Variants in HIVEP1 observed in about 807,000 individuals in gnomAD.
HIVEP1 encodes zinc finger protein 40.
A neutral mutation model predicts 180.0 loss-of-function variants in HIVEP1; 36 were observed. That is an observed-to-expected ratio of 0.20 (90% CI 0.15 to 0.26). HIVEP1 has a LOEUF of 0.26. Among genes scored for constraint, HIVEP1 ranks in the 10% least tolerant of loss-of-function variants. The pLI, the probability that HIVEP1 is intolerant of heterozygous loss-of-function variation, is 1.00. For missense variants in HIVEP1, 3,143 were observed against 3,268.7 expected (o/e 0.96, Z 0.94); for synonymous variants, 1,239 against 1,239.0 (o/e 1.00, Z 0.00).
At chr6:12,008,948 G>A (rs544658293), upstream of HIVEP1, 1 of 152,476 alleles carries the variant, frequency 6.6e-6, no homozygotes, top group African/African-American at 2.4e-5. Context: ...AGAGTTGGCA[G>A]GGCGTGCGGG....
chr6:12,183,546 T>C, the HIVEP1 span, among the ~76,000 whole-genome samples: 1 of 152,240 alleles, frequency 6.6e-6, no homozygotes, highest in South Asian at 2.1e-4. Context: ...AACTAAGTTT[T>C]AATCAATTAA....
At chr6:12,023,095 T>A (rs1371051568) in intron 2 of HIVEP1, among the ~76,000 whole-genome samples, 3 of 152,306 alleles carry the variant, frequency 2.0e-5, no homozygotes, top group Non-Finnish European at 4.4e-5. Context: ...AGTGAAGTGC[T>A]CTCCTTAGGT....
chr6:12,177,223 A>C, the HIVEP1 span, among the ~76,000 whole-genome samples: 9 of 152,334 alleles, frequency 5.9e-5, no homozygotes, highest in African/African-American at 2.2e-4. Context: ...TACTAGGCTT[A>C]GTACCTGGGT....
intron 7 of HIVEP1, among the ~76,000 whole-genome samples, chr6:12,147,470 A>G (rs570137766): frequency 6.6e-6 from 1 of 152,196 alleles, no homozygotes; most frequent in Non-Finnish European, 1.5e-5. Flanking sequence ...GAGACAAAAG[A>G]TTATAGGGCT....
At chr6:12,028,397 G>A (rs1018894183) in intron 2 of HIVEP1, among the ~76,000 whole-genome samples, 4 of 152,190 alleles carry the variant, frequency 2.6e-5, no homozygotes, top group Non-Finnish European at 5.9e-5. Context: ...TTTGATGAGT[G>A]AGCATATAAG....
Position 12,063,709 on chromosome 6 carries a change from G to A in HIVEP1, c.41-25475G>A, listed in dbSNP as rs989396072. ...TTGCCAGAGTATTACACATTTGACA[G>A]CACTTAATAAAGAACAGTGAAGGTT... On this transcript the variant is annotated intron_variant, in intron 2 of 8. Transcript: ENST00000379388. This position sits in a 1 kb window ranked among gnomAD's most constrained non-coding sequence, Gnocchi z 4.2. Among the ~76,000 whole-genome samples, 22 of 152,180 alleles carry A rather than the reference G, an allele frequency of 1.4e-4. No individual in the cohort carries two copies. The highest frequency in any genetic ancestry group is 4.6e-4 in the African/African-American group (19 of 41,442).
At chr6:12,096,697 A>G (rs1313549619) in intron 3 of HIVEP1, among the ~76,000 whole-genome samples, 1 of 152,020 alleles carries the variant, frequency 6.6e-6, no homozygotes, top group African/African-American at 2.4e-5. Context: ...TAAATATTTT[A>G]TGTTAATAAG....
chr6:12,052,042 TC>T (rs1286128157), intron 2 of HIVEP1, among the ~76,000 whole-genome samples: 3 of 152,212 alleles, frequency 2.0e-5, no homozygotes, highest in Non-Finnish European at 4.4e-5. Context: ...AATACAGAGA[TC>T]TAAGAGGCTG....
At chr6:12,078,808 C>T (rs1772569082) in intron 2 of HIVEP1, among the ~76,000 whole-genome samples, 1 of 151,614 alleles carries the variant, frequency 6.6e-6, no homozygotes, top group Non-Finnish European at 1.5e-5. Context: ...GCCTGAAAAG[C>T]TGGAGGAGCA....
At chr6:12,157,383 T>A (rs1461538822) in intron 7 of HIVEP1, among the ~76,000 whole-genome samples, 1 of 152,200 alleles carries the variant, frequency 6.6e-6, no homozygotes, top group Non-Finnish European at 1.5e-5. Context: ...ATTTTTGGGT[T>A]TCAGTTTTCT....
At chr6:12,160,150 T>G (rs1223365939) in intron 7 of HIVEP1, among the ~76,000 whole-genome samples, 2 of 152,216 alleles carry the variant, frequency 1.3e-5, no homozygotes, top group Non-Finnish European at 2.9e-5. Context: ...TAACTAAATT[T>G]TATTAAGCTT....
At chr6:12,047,496 C>T (rs1283253882) in intron 2 of HIVEP1, among the ~76,000 whole-genome samples, 2 of 152,240 alleles carry the variant, frequency 1.3e-5, no homozygotes, top group Admixed American at 6.5e-5. Flanking sequence ...GTGGTCCCCA[C>T]GGTGCTGGGA....
the HIVEP1 span, among the ~76,000 whole-genome samples, chr6:12,193,722 G>GT: frequency 1.3e-5 from 2 of 152,182 alleles, no homozygotes; most frequent in Middle Eastern, 3.2e-3. Flanking sequence ...AAGCAGAGAT[G>GT]TTTAGTGACC....
chr6:12,020,232 T>C (rs1768094996), intron 2 of HIVEP1: 1 of 449,340 alleles, frequency 2.2e-6, no homozygotes, highest in Admixed American at 2.4e-5. Flanking sequence ...TCTCCATGCC[T>C]GTTTCCCATC....
At chr6:12,015,184 C>T (rs1330800733) in intron 1 of HIVEP1, among the ~76,000 whole-genome samples, 1 of 152,186 alleles carries the variant, frequency 6.6e-6, no homozygotes, top group Non-Finnish European at 1.5e-5. Context: ...TTGTCCCTGC[C>T]CCTATGAATG....
In HIVEP1 at chr6:12,124,365, C is replaced by T. The variant is rs1757913682; in HGVS notation, c.4570C>T (p.His1524Tyr). The T allele has an allele frequency of 6.2e-7, 1 of 1,614,106 alleles. No homozygotes were observed. Among genetic ancestry groups the T allele is most frequent in the Non-Finnish European group, 8.5e-7 (1 of 1,180,008 alleles). ...AAATCAAATCCATGCACCGCCTAGC[C>T]ACCAGAGCACACAGCTATCTCTGCA... The part of the protein sequence containing the change: ...LLNQIHAPPS[H>Y]QSTQLSLQVS... The change falls in exon 4 of 9, where the codon CAC becomes TAC. Residue 1524 changes from histidine to tyrosine, a missense_variant. Physicochemically the swap from His to Tyr is moderately conservative, Grantham distance 83. Around this residue, in one of 12 missense-constraint regions of HIVEP1, gnomAD observed 1,357 missense variants for 1,260.5 expected, o/e 1.08. Transcript: ENST00000379388.
rs866275925 is a variant in HIVEP1 at position 12,078,839 on chromosome 6, T to G, written c.41-10345T>G. 1.4e-4 allele frequency among the ~76,000 whole-genome samples: 21 copies of G among 152,102 alleles called. 1 individual carries two copies. In the South Asian group the frequency reaches 3.5e-3, roughly 26 times the overall value. On this transcript the variant is annotated intron_variant, in intron 2 of 8. Transcript: ENST00000379388. ...GAGCATGCCAGTGAGTTTGTTTTGT[T>G]TTTTTTAAGTCTTTGAGATCCTGGG...
At position 12,125,287 on chromosome 6, in the gene HIVEP1, C is replaced by T. The variant is rs1042164163; in HGVS notation, c.5492C>T (p.Thr1831Ile). ...PEISNEAVNL[T>I]NVLPADNSST... ...ATTAGTAATGAGGCTGTTAATTTGA[C>T]AAATGTTTTACCAGCTGATAATTCA... The change falls in exon 4 of 9, where the codon ACA becomes ATA. Residue 1831 changes from threonine (T) to isoleucine (I), a missense_variant. Transcript: ENST00000379388. 1 of 1,613,824 alleles carries T rather than the reference C, an allele frequency of 6.2e-7. No homozygotes were observed. The highest frequency in any genetic ancestry group is 1.7e-5 in the Admixed American group (1 of 59,974).
chr6:12,182,689 T>A, the HIVEP1 span, among the ~76,000 whole-genome samples: 1 of 152,202 alleles, frequency 6.6e-6, no homozygotes, highest in African/African-American at 2.4e-5. Flanking sequence ...ACTTGCTATC[T>A]CTGATCTTCC....
Sources: gnomAD v4.1 joint callset for allele counts (sites outside exome capture counted in the v4.1 genomes callset) on GRCh38, gnomAD v4.1.1 for gene constraint, gnomAD v4.1.1 regional missense constraint, Gnocchi (gnomAD v3.1) non-coding constraint, MANE v1.5 for transcripts, NCBI Gene and HGNC (gene_info 2026-07-23, HGNC 2026-07-21) for gene names.